Variants in SLC17A8 observed in about 807,000 individuals in gnomAD.
SLC17A8 encodes vesicular glutamate transporter 3.
Under a neutral mutation model 58.0 loss-of-function variants are expected in SLC17A8, and 31 were observed. The observed-to-expected ratio is 0.53, with a 90% CI of 0.40 to 0.72. SLC17A8 has a LOEUF of 0.72. Ranked by LOEUF, SLC17A8 falls within the 30% of genes least tolerant of loss-of-function variation. SLC17A8 has a pLI of 0.00. For synonymous variants in SLC17A8, 228 were observed against 249.0 expected, an observed-to-expected ratio of 0.92 and a Z score of 0.79; for missense variants, 655 against 727.8, an observed-to-expected ratio of 0.90 and a Z score of 1.15.
Position 100,404,142 on chromosome 12 carries a change from T to C in SLC17A8, c.1158T>C (p.Thr386=). The C allele has an allele frequency of 6.2e-7, 1 of 1,614,202 alleles. No individual in the cohort carries two copies. Among genetic ancestry groups the C allele is most frequent in the Non-Finnish European group, 8.5e-7 (1 of 1,180,022 alleles). The change falls in exon 9 of 12, where the codon ACT becomes ACC. Residue 386 remains threonine, a synonymous_variant. Coordinates refer to ENST00000323346, the MANE Select transcript of SLC17A8 (RefSeq NM_139319.3). The part of the protein sequence containing the change: ...YLRSRQILTT[T]AVRKIMNCGG... The stretch of plus-strand genomic sequence containing the variant: ...GAAGCAGACAAATTTTAACCACAAC[T>C]GCTGTCAGAAAAATCATGAACTGTG...
chr12:100,412,645 A>G, intron 9 of SLC17A8, 125 bp from the exon 10 acceptor site: 1 of 699,698 alleles, frequency 1.4e-6, no homozygotes. Flanking sequence ...AAAAAAAAAC[A>G]TAGACACAAA....
In SLC17A8 at chr12:100,406,479, G is replaced by T. The variant is rs921306132; in HGVS notation, c.1186+2309G>T. ...CCTTGTCGGCGTATGCAGAGCTTGG[G>T]TTTTATTTGAAGTACATTGAGATGC... On this transcript the variant is annotated intron_variant, in intron 9 of 11. Coordinates refer to ENST00000323346, the MANE Select transcript of SLC17A8 (RefSeq NM_139319.3). 2.6e-5 allele frequency among the ~76,000 whole-genome samples: 4 copies of T among 152,052 alleles called. No individual in the cohort carries two copies. In the East Asian group the frequency reaches 7.7e-4, roughly 29 times the overall value.
intron 2 of SLC17A8, 42 bp from the exon 3 acceptor site, chr12:100,390,958 CT>C: frequency 7.2e-7 from 1 of 1,390,318 alleles, no homozygotes; most frequent in Non-Finnish European, 1.0e-6. Context: ...GGTTGTCAGC[CT>C]TTTTCTAACA....
At chr12:100,408,085 G>A (rs1952839665) in intron 9 of SLC17A8, among the ~76,000 whole-genome samples, 1 of 152,196 alleles carries the variant, frequency 6.6e-6, no homozygotes, top group Non-Finnish European at 1.5e-5. Context: ...TGGAAATGAT[G>A]AAGCACTGGT....
At chr12:100,411,104 G>C (rs566027161) in intron 9 of SLC17A8, among the ~76,000 whole-genome samples, 1 of 152,322 alleles carries the variant, frequency 6.6e-6, no homozygotes, top group African/African-American at 2.4e-5. Context: ...TTAATTTAGA[G>C]GAGAAGAAAG....
chr12:100,403,926 A>C (rs1209763337), intron 8 of SLC17A8, 112 bp from the exon 9 acceptor site: 2 of 1,208,428 alleles, frequency 1.7e-6, no homozygotes, highest in Non-Finnish European at 2.4e-6. Context: ...TTAGATGCTT[A>C]AATTTGGTGG....
At chr12:100,385,100 G>GTCTC (rs201988858) in intron 2 of SLC17A8, among the ~76,000 whole-genome samples, 1 of 149,970 alleles carries the variant, frequency 6.7e-6, no homozygotes. Context: ...TTGGGTTGCT[G>GTCTC]TCTCTCTCTC....
chr12:100,394,010 A>G (rs548775928), intron 4 of SLC17A8, among the ~76,000 whole-genome samples: 8 of 152,370 alleles, frequency 5.3e-5, no homozygotes, highest in African/African-American at 1.7e-4. Context: ...ACAAATGGGC[A>G]TGGCTACGTT....
intron 2 of SLC17A8, among the ~76,000 whole-genome samples, chr12:100,383,924 C>G (rs1249685357): frequency 6.6e-6 from 1 of 152,100 alleles, no homozygotes; most frequent in African/African-American, 2.4e-5. Flanking sequence ...AGGCTGATCT[C>G]AAACCCCTGG....
At position 100,402,494 on chromosome 12, in the gene SLC17A8, T is replaced by G. The variant is rs537937181; in HGVS notation, c.903+15T>G. On this transcript the variant is annotated intron_variant, in intron 7 of 11. Transcript: ENST00000323346. ...TTAGTCTAAGTGTAAGTATAAAAAG[T>G]CAGATGAAGACTTACCTTTTTTCAT... The G allele has an allele frequency of 3.1e-6, 5 of 1,613,802 alleles. No homozygotes were observed. Among genetic ancestry groups the G allele is most frequent in the Non-Finnish European group, 3.4e-6 (4 of 1,179,954 alleles).
At position 100,375,333 on chromosome 12, in the gene SLC17A8, G is replaced by A. The variant is rs77778038; in HGVS notation, c.102-5368G>A. ...ATGGGGAAGGAGCTGGAGGAGGCTGGGGGAGCATTCAAACTGCTACCTGTG... is the reference window on the plus strand; with the variant it reads ...ATGGGGAAGGAGCTGGAGGAGGCTGAGGGAGCATTCAAACTGCTACCTGTG... On this transcript the variant is annotated intron_variant, in intron 1 of 11. Coordinates refer to ENST00000323346, the MANE Select transcript of SLC17A8 (RefSeq NM_139319.3). Among the ~76,000 whole-genome samples, 931 of 152,110 alleles carry A rather than the reference G, an allele frequency of 6.1e-3. 49 individuals carry two copies. The East Asian group carries it at 0.12, about 20-fold the overall frequency.
intron 1 of SLC17A8, among the ~76,000 whole-genome samples, chr12:100,377,467 C>T (rs1360948612): frequency 1.3e-5 from 2 of 151,326 alleles, no homozygotes; most frequent in South Asian, 2.1e-4. Context: ...AGGCTAAAGT[C>T]ACACAGCTGA....
intron 9 of SLC17A8, among the ~76,000 whole-genome samples, chr12:100,406,360 G>A (rs1031797996): frequency 2.0e-5 from 3 of 152,162 alleles, no homozygotes; most frequent in Non-Finnish European, 4.4e-5. Context: ...AGGCAGGAAT[G>A]TGGCCTGTGT....
At chr12:100,376,172 G>T (rs193072851) in intron 1 of SLC17A8, among the ~76,000 whole-genome samples, 1 of 152,314 alleles carries the variant, frequency 6.6e-6, no homozygotes, top group Admixed American at 6.5e-5. Flanking sequence ...CTGGATCTCA[G>T]ATTTCTGGCT....
intron 6 of SLC17A8, 123 bp downstream of exon 6, chr12:100,401,986 A>C (rs951730132): frequency 1.4e-5 from 11 of 808,940 alleles, no homozygotes; most frequent in Non-Finnish European, 1.7e-5. Flanking sequence ...TATTGTATAA[A>C]TGGAATACTT....
Position 100,418,129 on chromosome 12 carries a change from C to T in SLC17A8, c.1398C>T (p.Leu466=). 1 of 1,614,150 alleles carries T rather than the reference C, an allele frequency of 6.2e-7. No individual in the cohort carries two copies. The highest frequency in any genetic ancestry group is 8.5e-7 in the Non-Finnish European group (1 of 1,180,026). Residue 466 remains leucine (L), a synonymous_variant, in exon 11 of 12, where the codon CTC becomes CTT. Coordinates refer to ENST00000323346, the MANE Select transcript of SLC17A8 (RefSeq NM_139319.3). ...VGTLSGMVCP[L]IVGAMTRHKT... ...CCCTCTCTGGAATGGTCTGTCCCCT[C>T]ATTGTCGGTGCAATGACCAGGCACA...
rs71088181 is a variant in SLC17A8, at chr12:100,407,586, AT to A, written c.1186+3424del. On this transcript the variant is annotated intron_variant, in intron 9 of 11. Transcript: ENST00000323346. Reference sequence around the variant, plus strand: ...GCTTTTCATGTTCATATATATATATATTTTTTTTGTTTGTTTGTTTTGTTTT... The same window carrying A: ...GCTTTTCATGTTCATATATATATATATTTTTTTGTTTGTTTGTTTTGTTTT... Among the ~76,000 whole-genome samples, 508 of 146,484 alleles carry A rather than the reference AT, an allele frequency of 3.5e-3. 2 individuals are homozygous for A. The highest frequency in any genetic ancestry group is 0.012 in the African/African-American group (482 of 40,752).
chr12:100,378,366 C>T (rs1952609076), intron 1 of SLC17A8, among the ~76,000 whole-genome samples: 1 of 151,996 alleles, frequency 6.6e-6, no homozygotes, highest in South Asian at 2.1e-4. Context: ...ATGAGGAGGG[C>T]ATTGATAACC....
intron 10 of SLC17A8, among the ~76,000 whole-genome samples, 154 bp downstream of exon 10, chr12:100,413,034 ATTT>A: frequency 6.6e-6 from 1 of 152,294 alleles, no homozygotes; most frequent in East Asian, 1.9e-4. Flanking sequence ...AGTGGGGGTG[ATTT>A]TGTAAGATCA....
Sources: gnomAD v4.1 joint callset for allele counts (sites outside exome capture counted in the v4.1 genomes callset) on GRCh38, gnomAD v4.1.1 for gene constraint, MANE v1.5 for transcripts, NCBI Gene and HGNC (gene_info 2026-07-23, HGNC 2026-07-21) for gene names.